PACS2: variants seen among roughly 807,000 people sequenced by gnomAD.
The protein encoded by PACS2 is phosphofurin acidic cluster sorting protein 2, also known as PACS1-like protein.
PACS2 carries 36 observed loss-of-function variants against 113.0 expected under a neutral mutation model. The observed-to-expected ratio is 0.32, with a 90% CI of 0.24 to 0.42. The LOEUF (loss-of-function observed/expected upper bound fraction) is 0.42. Among genes scored for constraint, PACS2 ranks in the 10% least tolerant of loss-of-function variants. The pLI, the probability that PACS2 is intolerant of heterozygous loss-of-function variation, is 1.00. For missense variants in PACS2, 1,015 were observed against 1,239.5 expected, an observed-to-expected ratio of 0.82 and a Z score of 2.72; for synonymous variants, 589 against 536.1, an observed-to-expected ratio of 1.10 and a Z score of -1.36.
At chr14:105,391,601 C>T in intron 21 of PACS2, 30 bp from the exon 22 acceptor site, 1 of 1,353,006 alleles carries the variant, frequency 7.4e-7, no homozygotes, top group Non-Finnish European at 9.8e-7. Flanking sequence ...AGCAGGTGGG[C>T]TCAGCCTGCC....
intron 9 of PACS2, among the ~76,000 whole-genome samples, chr14:105,378,096 C>T (rs1456904066): frequency 2.0e-5 from 3 of 152,246 alleles, no homozygotes; most frequent in Non-Finnish European, 4.4e-5. Flanking sequence ...GTCCCCCTCA[C>T]ACTTTGGGCC....
intron 4 of PACS2, among the ~76,000 whole-genome samples, chr14:105,361,673 G>C (rs771970432): frequency 6.6e-6 from 1 of 151,180 alleles, no homozygotes; most frequent in Non-Finnish European, 1.5e-5. Context: ...TAGTGGGCCG[G>C]GTGCAATGGC....
intron 1 of PACS2, among the ~76,000 whole-genome samples, chr14:105,334,765 A>G (rs2059445888): frequency 6.6e-6 from 1 of 152,268 alleles, no homozygotes; most frequent in Non-Finnish European, 1.5e-5. Flanking sequence ...GCACGTGGCC[A>G]CACAAGTCAC....
intron 1 of PACS2, among the ~76,000 whole-genome samples, chr14:105,341,536 A>G (rs587702078): frequency 6.6e-6 from 1 of 152,200 alleles, no homozygotes; most frequent in East Asian, 1.9e-4. Context: ...CGTCTTCTGT[A>G]GGTTTTCTGG....
rs1555411414 is a variant in PACS2, at chr14:105,379,723, CT to C, written c.960-15del. On this transcript the variant is annotated splice_polypyrimidine_tract_variant and intron_variant, in intron 9 of 24. Coordinates refer to ENST00000447393, the MANE Select transcript of PACS2 (RefSeq NM_001100913.3). ...CTGGAAATTAACGTGTCCCCCACCC[CT>C]GTTCCCTGAGCCAGGCCATACTTTG... The C allele has an allele frequency of 1.2e-6, 2 of 1,608,934 alleles. No individual in the cohort carries two copies. Among genetic ancestry groups the C allele is most frequent in the East Asian group, 2.2e-5 (1 of 44,832 alleles).
rs1331034965 is a variant in PACS2 at position 105,376,047 on chromosome 14, G to C, written c.802-721G>C. On this transcript the variant is annotated intron_variant, in intron 8 of 24. Coordinates refer to ENST00000447393, the MANE Select transcript of PACS2 (RefSeq NM_001100913.3). This position sits in a 1 kb window ranked among gnomAD's most constrained non-coding sequence, Gnocchi z 4.7. ...TATGGGGCAGCAGGTCGGAGTGGGT[G>C]CCTGCAGGGGAAATACAAGATGCTT... Among the ~76,000 whole-genome samples, 1 of 152,180 alleles carries C rather than the reference G, an allele frequency of 6.6e-6. No homozygotes were observed. Among genetic ancestry groups the C allele is most frequent in the African/African-American group, 2.4e-5 (1 of 41,440 alleles).
chr14:105,387,353 G>T (rs960427709), intron 19 of PACS2, among the ~76,000 whole-genome samples: 1 of 152,240 alleles, frequency 6.6e-6, no homozygotes, highest in Non-Finnish European at 1.5e-5. Flanking sequence ...GGCCAGGCCT[G>T]GAGGGCGGCC....
chr14:105,357,773 G>A lies in PACS2; in HGVS notation c.423+2596G>A, dbSNP rs1424329052. Reference sequence around the variant, plus strand: ...ATGGGGGCTTGCTGGCTCCGAGACTGCACGCCTGAGACGGGGGTGAGGGCA... The same window carrying A: ...ATGGGGGCTTGCTGGCTCCGAGACTACACGCCTGAGACGGGGGTGAGGGCA... On this transcript the variant is annotated intron_variant, in intron 4 of 24. Coordinates refer to ENST00000447393, the MANE Select transcript of PACS2 (RefSeq NM_001100913.3). This position sits in a 1 kb window ranked among gnomAD's most constrained non-coding sequence, Gnocchi z 5.1. Among the ~76,000 whole-genome samples, 3 of 152,206 alleles carry A rather than the reference G, an allele frequency of 2.0e-5. No homozygotes were observed. The highest frequency in any genetic ancestry group is 2.1e-4 in the South Asian group (1 of 4,832).
rs1432360441 is a variant in PACS2 at position 105,366,774 on chromosome 14, G to A, written c.424-439G>A. Among the ~76,000 whole-genome samples, 1 of 152,192 alleles carries A rather than the reference G, an allele frequency of 6.6e-6. No homozygotes were observed. Among genetic ancestry groups the A allele is most frequent in the Non-Finnish European group, 1.5e-5 (1 of 68,022 alleles). On this transcript the variant is annotated intron_variant, in intron 4 of 24. Transcript: ENST00000447393. The surrounding 1 kb of genome is among the most constrained non-coding windows in gnomAD (Gnocchi z 4.3). ...CTGCTTTGCTGCTGCTGAGCTCTTG[G>A]GTGGGTGGAGGGTGGAGGCAGGGTT...
rs2081564380 is a variant in PACS2, at chr14:105,397,649, C to T, written c.*2977C>T. 6.5e-6 allele frequency: 1 copy of T among 152,732 alleles called. No individual in the cohort carries two copies. The highest frequency in any genetic ancestry group is 2.4e-5 in the African/African-American group (1 of 41,482). 9.5% of individuals were successfully genotyped at this position (152,732 alleles called of 1,614,324 possible). A position where few individuals can be genotyped will look rare whatever the true frequency, so the allele number is the denominator to read the frequency against. ...GGGCATGCAAGCCAGTGTCCTGGTT[C>T]AGTGCCTCGGCCAGAGCTGGGGCAG... On this transcript the variant is annotated 3_prime_UTR_variant, in exon 25 of 25. Transcript: ENST00000447393.
chr14:105,306,265 T>C (rs587720663), intron 1 of PACS2, among the ~76,000 whole-genome samples: 1 of 152,044 alleles, frequency 6.6e-6, no homozygotes, highest in African/African-American at 2.4e-5. Context: ...CTTTCTTCAT[T>C]CATGGTGTCT....
chr14:105,328,632 C>T (rs1474610417), intron 1 of PACS2, among the ~76,000 whole-genome samples: 4 of 152,230 alleles, frequency 2.6e-5, no homozygotes, highest in Non-Finnish European at 5.9e-5. Context: ...TGGCCAGGCC[C>T]TCCCAGCAGC....
At chr14:105,347,825 CG>C (rs1183730852) in intron 1 of PACS2, among the ~76,000 whole-genome samples, 2 of 152,158 alleles carry the variant, frequency 1.3e-5, no homozygotes, top group Non-Finnish European at 2.9e-5. Context: ...GGCGCGTGTA[CG>C]GCAGATGCCC....
intron 11 of PACS2, 72 bp downstream of exon 11, chr14:105,380,226 C>CT (rs2080933652): frequency 7.5e-7 from 1 of 1,331,832 alleles, no homozygotes; most frequent in South Asian, 1.3e-5. Flanking sequence ...AGGGTCTGAC[C>CT]TGGAGGGGCG....
Position 105,354,538 on chromosome 14 carries a change from G to C in PACS2, c.298-514G>C, listed in dbSNP as rs1202748579. Among the ~76,000 whole-genome samples the C allele has an allele frequency of 6.6e-6, 1 of 152,220 alleles. No homozygotes were observed. The highest frequency in any genetic ancestry group is 1.5e-5 in the Non-Finnish European group (1 of 68,028). ...ATTTGTGAACTCTGAGTGTCTAAGAGATACCTGTGAACATCAGCTTGCTGG... is the reference window on the plus strand; with the variant it reads ...ATTTGTGAACTCTGAGTGTCTAAGACATACCTGTGAACATCAGCTTGCTGG... On this transcript the variant is annotated intron_variant, in intron 3 of 24. Transcript: ENST00000447393. This position sits in a 1 kb window ranked among gnomAD's most constrained non-coding sequence, Gnocchi z 4.2.
chr14:105,391,835 C>T, intron 22 of PACS2, 69 bp downstream of exon 22: 1 of 1,450,576 alleles, frequency 6.9e-7, no homozygotes, highest in Non-Finnish European at 9.3e-7. Flanking sequence ...ATTCAGTCAT[C>T]CTCCCCTATG....
chr14:105,316,455 C>T (rs2058638365), intron 1 of PACS2, among the ~76,000 whole-genome samples: 1 of 152,266 alleles, frequency 6.6e-6, no homozygotes, highest in African/African-American at 2.4e-5. Context: ...GTCACTGCCT[C>T]ACCCACAGCC....
chr14:105,380,405 C>G (rs1221887151), intron 11 of PACS2, among the ~76,000 whole-genome samples: 2 of 151,454 alleles, frequency 1.3e-5, no homozygotes, highest in Non-Finnish European at 3.0e-5. Context: ...TGGACTCCCC[C>G]CACCCGCAGG....
intron 1 of PACS2, among the ~76,000 whole-genome samples, chr14:105,325,330 G>A (rs1369606841): frequency 6.6e-6 from 1 of 152,092 alleles, no homozygotes; most frequent in Non-Finnish European, 1.5e-5. Context: ...ACAAGGTGGG[G>A]TGAGCTGGAG....
Sources: gnomAD v4.1 joint callset for allele counts (sites outside exome capture counted in the v4.1 genomes callset) on GRCh38, gnomAD v4.1.1 for gene constraint, Gnocchi (gnomAD v3.1) non-coding constraint, MANE v1.5 for transcripts, NCBI Gene and HGNC (gene_info 2026-07-23, HGNC 2026-07-21) for gene names.